CACNA1E: variants seen among roughly 807,000 people sequenced by gnomAD.
CACNA1E encodes the protein calcium voltage-gated channel subunit alpha1 E, also known as voltage-dependent R-type calcium channel subunit alpha-1E.
A neutral mutation model predicts 259.2 loss-of-function variants in CACNA1E; 40 were observed. That is an observed-to-expected ratio of 0.15 (90% CI 0.12 to 0.20). The LOEUF is 0.20. Ranked by LOEUF, CACNA1E falls within the 10% of genes least tolerant of loss-of-function variation. The pLI is 1.00. For missense variants in CACNA1E, 1,874 were observed against 3,040.1 expected, an observed-to-expected ratio of 0.62 and a Z score of 9.02; for synonymous variants, 1,104 against 1,138.5, an observed-to-expected ratio of 0.97 and a Z score of 0.61.
chr1:181,373,569 G>A (rs1171519325), intron 1 of CACNA1E, among the ~76,000 whole-genome samples: 10 of 131,570 alleles, frequency 7.6e-5, no homozygotes, highest in Admixed American at 6.2e-4. Context: ...ACGGAGACTC[G>A]CTCTGTCGCC....
chr1:181,540,549 T>C (rs2102779473), intron 3 of CACNA1E, among the ~76,000 whole-genome samples: 1 of 152,322 alleles, frequency 6.6e-6, no homozygotes, highest in South Asian at 2.1e-4. Context: ...TAAAGGAATT[T>C]GAAAAACAAC....
At position 181,733,568 on chromosome 1, in the gene CACNA1E, A is replaced by G; in HGVS notation, c.3080A>G (p.Glu1027Gly). Residue 1027 changes from glutamate (E) to glycine (G), a missense_variant, in exon 21 of 48, where the codon GAA becomes GGA. This residue lies in a region of CACNA1E where 476 missense variants were observed against 514.0 expected (regional missense o/e 0.93). Coordinates refer to ENST00000367573, the MANE Select transcript of CACNA1E (RefSeq NM_001205293.3). ...KHVVLTEQEP[E>G]GSSEQALLGN... Reference sequence around the variant, plus strand: ...GTGGTGCTGACGGAGCAGGAGCCAGAAGGCAGCAGTGAGCAGGCCCTGCTG... The same window carrying G: ...GTGGTGCTGACGGAGCAGGAGCCAGGAGGCAGCAGTGAGCAGGCCCTGCTG... 1 of 1,613,118 alleles carries G rather than the reference A, an allele frequency of 6.2e-7. No homozygotes were observed. The highest frequency in any genetic ancestry group is 2.2e-5 in the East Asian group (1 of 44,848).
chr1:181,326,436 T>C (rs1650801850), intron 1 of CACNA1E, among the ~76,000 whole-genome samples: 1 of 152,206 alleles, frequency 6.6e-6, no homozygotes, highest in Non-Finnish European at 1.5e-5. Flanking sequence ...GGAACAGCCC[T>C]GAGAAGGAGG....
chr1:181,733,300 C>A, intron 20 of CACNA1E, 137 bp from the exon 21 acceptor site: 1 of 825,456 alleles, frequency 1.2e-6, no homozygotes, highest in Non-Finnish European at 1.8e-6. Flanking sequence ...CTCTGCCTGT[C>A]TGGTTGGGGT....
intron 3 of CACNA1E, among the ~76,000 whole-genome samples, chr1:181,547,426 A>T (rs1414494452): frequency 6.6e-6 from 1 of 152,190 alleles, no homozygotes; most frequent in Non-Finnish European, 1.5e-5. Flanking sequence ...AAAGCCTTTC[A>T]CGATGACACG....
chr1:181,735,716 A>G (rs772862578), intron 21 of CACNA1E, among the ~76,000 whole-genome samples: 4 of 152,224 alleles, frequency 2.6e-5, no homozygotes, highest in Non-Finnish European at 2.9e-5. Flanking sequence ...TGCAAACAGA[A>G]TCATGATTTC....
intron 2 of CACNA1E, among the ~76,000 whole-genome samples, chr1:181,416,822 A>G (rs1335966843): frequency 1.3e-5 from 2 of 152,118 alleles, no homozygotes; most frequent in Non-Finnish European, 1.5e-5. Context: ...CACCATCTAC[A>G]AACTCCCAAG....
At chr1:181,581,841 G>A (rs190798699) in intron 6 of CACNA1E, among the ~76,000 whole-genome samples, 38 of 152,218 alleles carry the variant, frequency 2.5e-4, no homozygotes, top group African/African-American at 5.3e-4. Flanking sequence ...CGCTCCCACC[G>A]TCTGCCTTTA....
intron 3 of CACNA1E, among the ~76,000 whole-genome samples, chr1:181,564,630 G>A (rs1207052144): frequency 6.6e-6 from 1 of 152,136 alleles, no homozygotes; most frequent in Non-Finnish European, 1.5e-5. Context: ...GTTCTTAATG[G>A]CATGTAGAAT....
At chr1:181,561,883 G>A (rs1295351489) in intron 3 of CACNA1E, among the ~76,000 whole-genome samples, 1 of 152,132 alleles carries the variant, frequency 6.6e-6, no homozygotes, top group Admixed American at 6.5e-5. Context: ...GTTCTAAGCA[G>A]CATTTAATAT....
chr1:181,520,290 G>A (rs1666895683), intron 3 of CACNA1E, among the ~76,000 whole-genome samples: 1 of 152,022 alleles, frequency 6.6e-6, no homozygotes, highest in Non-Finnish European at 1.5e-5. Flanking sequence ...CAATTCTAAA[G>A]CCCTTGCTAT....
At chr1:181,750,401 CT>C (rs1657486701) in intron 25 of CACNA1E, 74 bp from the exon 26 acceptor site, 1 of 1,330,138 alleles carries the variant, frequency 7.5e-7, no homozygotes, top group South Asian at 1.2e-5. Context: ...TGTCTTTCTT[CT>C]CTCTACCCCA....
At chr1:181,328,574 T>C (rs1650978527) in intron 1 of CACNA1E, among the ~76,000 whole-genome samples, 1 of 152,162 alleles carries the variant, frequency 6.6e-6, no homozygotes, top group Admixed American at 6.5e-5. Flanking sequence ...TAGGAAAATG[T>C]GAACAAATTG....
At chr1:181,441,203 A>G (rs943379367) in intron 2 of CACNA1E, among the ~76,000 whole-genome samples, 11 of 152,030 alleles carry the variant, frequency 7.2e-5, no homozygotes, top group African/African-American at 2.2e-4. Context: ...GCTGGAGTGC[A>G]GTGGCGCAAT....
chr1:181,617,048 G>A (rs1003458778), intron 6 of CACNA1E, among the ~76,000 whole-genome samples: 1 of 152,040 alleles, frequency 6.6e-6, no homozygotes, highest in African/African-American at 2.4e-5. Context: ...GATAATCTCT[G>A]CTTTCTCCCT....
intron 7 of CACNA1E, among the ~76,000 whole-genome samples, chr1:181,708,917 A>G (rs989136805): frequency 7.2e-5 from 11 of 152,200 alleles, no homozygotes; most frequent in African/African-American, 2.4e-5. Flanking sequence ...TGACCTTTTA[A>G]AAAGATAACG....
intron 3 of CACNA1E, among the ~76,000 whole-genome samples, chr1:181,542,552 C>G (rs760667731): frequency 2.0e-5 from 3 of 151,992 alleles, no homozygotes; most frequent in Non-Finnish European, 4.4e-5. Context: ...TGAGTTCTCA[C>G]GAGATCTGAT....
Position 181,798,010 on chromosome 1 carries a change from CA to C in CACNA1E, c.6400-278del, listed in dbSNP as rs1204266702. Among the ~76,000 whole-genome samples, 2 of 152,190 alleles carry C rather than the reference CA, an allele frequency of 1.3e-5. No homozygotes were observed. Among genetic ancestry groups the C allele is most frequent in the Non-Finnish European group, 2.9e-5 (2 of 68,030 alleles). On this transcript the variant is annotated intron_variant, in intron 47 of 47. Coordinates refer to ENST00000367573, the MANE Select transcript of CACNA1E (RefSeq NM_001205293.3). The surrounding 1 kb of genome is among the most constrained non-coding windows in gnomAD (Gnocchi z 4.2). ...ATCACCTGGAAGCTTGTTAGAAATG[CA>C]AAATCTCAGTCCTTGCCCCAGATCT...
At chr1:181,584,107 G>C (rs952757395) in intron 6 of CACNA1E, among the ~76,000 whole-genome samples, 7 of 152,118 alleles carry the variant, frequency 4.6e-5, no homozygotes, top group African/African-American at 1.7e-4. Flanking sequence ...TGTCATTATA[G>C]TTTTATGTTA....
Sources: allele counts gnomAD v4.1 joint callset (sites outside exome capture counted in the v4.1 genomes callset), GRCh38; gene constraint gnomAD v4.1.1; regional missense constraint gnomAD v4.1.1; non-coding constraint Gnocchi (gnomAD v3.1); transcripts MANE v1.5; gene names NCBI Gene and HGNC (gene_info 2026-07-23, HGNC 2026-07-21).